SPIN1: variants seen among roughly 807,000 people sequenced by gnomAD.
SPIN1 encodes the protein spindlin 1.
In SPIN1, 3 loss-of-function variants were observed where a neutral mutation model predicts 26.0. The ratio of observed to expected loss-of-function variants is 0.12; its 90% CI spans 0.05 to 0.30. The LOEUF (loss-of-function observed/expected upper bound fraction) is 0.30, where lower values mean the gene tolerates loss of function less well. Among genes scored for constraint, SPIN1 ranks in the 10% least tolerant of loss-of-function variants. The probability of loss-of-function intolerance (pLI) is 1.00; values close to 1 mark genes in which losing one functional copy is unlikely to be tolerated. For missense variants in SPIN1, 126 were observed against 333.4 expected, an observed-to-expected ratio of 0.38 and a Z score of 4.84; for synonymous variants, 101 against 116.5, an observed-to-expected ratio of 0.87 and a Z score of 0.86.
At chr9:88,425,770 C>CT (rs1352822690) in intron 1 of SPIN1, among the ~76,000 whole-genome samples, 1 of 152,016 alleles carries the variant, frequency 6.6e-6, no homozygotes, top group African/African-American at 2.4e-5. Context: ...ATTTCTCGAC[C>CT]TTTTTCTTTA....
At chr9:88,402,737 C>T (rs980524078) in intron 1 of SPIN1, among the ~76,000 whole-genome samples, 1 of 152,106 alleles carries the variant, frequency 6.6e-6, no homozygotes, top group African/African-American at 2.4e-5. Flanking sequence ...GATTCTATAT[C>T]TTTGCTTTTG....
intron 5 of SPIN1, among the ~76,000 whole-genome samples, chr9:88,474,305 G>GT (rs1039366773): frequency 5.3e-5 from 8 of 151,924 alleles, no homozygotes; most frequent in Non-Finnish European, 1.2e-4. Flanking sequence ...CTTTTACTTT[G>GT]TTTTTTTGTT....
At chr9:88,464,779 T>C (rs1214540608) in intron 4 of SPIN1, among the ~76,000 whole-genome samples, 1 of 152,198 alleles carries the variant, frequency 6.6e-6, no homozygotes, top group Non-Finnish European at 1.5e-5. Context: ...GCATAAAATT[T>C]ACTGTCCTAA....
rs1448386472 is a variant in SPIN1, at chr9:88,475,590, C to G, written c.*313C>G. 4.7e-5 allele frequency: 11 copies of G among 233,412 alleles called. No homozygotes were observed. Among genetic ancestry groups the G allele is most frequent in the African/African-American group, 9.0e-5 (4 of 44,232 alleles). The allele number at this position is 233,412 out of a possible 1,614,324, so 14.5% of individuals were successfully genotyped here. A position where few individuals can be genotyped will look rare whatever the true frequency, so the allele number is the denominator to read the frequency against. On this transcript the variant is annotated 3_prime_UTR_variant, in exon 6 of 6. Transcript: ENST00000375859. ...GATCTTAACCATTTTCCCCCTCACC[C>G]TAACTCTCTTATTCTGCCGCCACAA...
chr9:88,401,066 G>A (rs952827894), intron 1 of SPIN1, among the ~76,000 whole-genome samples: 3 of 152,140 alleles, frequency 2.0e-5, no homozygotes, highest in Non-Finnish European at 4.4e-5. Flanking sequence ...TAAATAACTT[G>A]CATTGTTGGT....
At chr9:88,432,994 G>A (rs1007935163) in intron 2 of SPIN1, among the ~76,000 whole-genome samples, 1 of 151,968 alleles carries the variant, frequency 6.6e-6, no homozygotes, top group African/African-American at 2.4e-5. Flanking sequence ...GGGAATACAG[G>A]CACATGTACC....
At chr9:88,443,899 G>C (rs1005127834) in intron 2 of SPIN1, among the ~76,000 whole-genome samples, 18 of 151,318 alleles carry the variant, frequency 1.2e-4, no homozygotes, top group African/African-American at 4.4e-4. Flanking sequence ...TCTTAAGAGA[G>C]CCCCCAACCC....
At chr9:88,475,012 A>G in intron 5 of SPIN1, 66 bp from the exon 6 acceptor site, 1 of 1,373,406 alleles carries the variant, frequency 7.3e-7, no homozygotes, top group East Asian at 2.6e-5. Context: ...GTTGATTTAT[A>G]TCTAAAAATT....
At chr9:88,468,245 T>C (rs1828710306) in intron 4 of SPIN1, 127 bp from the exon 5 acceptor site, 2 of 586,834 alleles carry the variant, frequency 3.4e-6, no homozygotes, top group Non-Finnish European at 5.5e-6. Context: ...TTTCCCAGAT[T>C]CTGATGCTTG....
intron 1 of SPIN1, among the ~76,000 whole-genome samples, chr9:88,422,736 T>C (rs1169432235): frequency 1.3e-5 from 2 of 151,224 alleles, no homozygotes; most frequent in Non-Finnish European, 2.9e-5. Flanking sequence ...TGAAATGAAG[T>C]CTTGCTCTTG....
At chr9:88,463,837 C>T (rs1358848956) in intron 4 of SPIN1, among the ~76,000 whole-genome samples, 1 of 152,156 alleles carries the variant, frequency 6.6e-6, no homozygotes, top group African/African-American at 2.4e-5. Flanking sequence ...TGACTGATCA[C>T]CTGCTCTTCC....
intron 3 of SPIN1, chr9:88,457,842 G>A (rs541393968): frequency 7.1e-6 from 7 of 983,012 alleles, no homozygotes; most frequent in Non-Finnish European, 7.2e-6. Flanking sequence ...AAAATACTAC[G>A]CAAAAAGCAA....
chr9:88,432,953 A>C (rs1290958203), intron 2 of SPIN1, among the ~76,000 whole-genome samples: 1 of 152,118 alleles, frequency 6.6e-6, no homozygotes, highest in Non-Finnish European at 1.5e-5. Flanking sequence ...TGGGCTCAAG[A>C]GATCCTCCCA....
intron 3 of SPIN1, among the ~76,000 whole-genome samples, chr9:88,450,950 G>A (rs555305223): frequency 3.1e-4 from 47 of 152,274 alleles, no homozygotes; most frequent in African/African-American, 1.1e-3. Context: ...TTGAAGTTAG[G>A]AAGCCTGATG....
intron 1 of SPIN1, among the ~76,000 whole-genome samples, chr9:88,405,818 AT>A (rs1182698035): frequency 6.6e-6 from 1 of 151,450 alleles, no homozygotes; most frequent in African/African-American, 2.4e-5. Context: ...GACAATAGGA[AT>A]TTTTTAGCTC....
At chr9:88,467,140 A>G (rs943565429) in intron 4 of SPIN1, among the ~76,000 whole-genome samples, 6 of 152,190 alleles carry the variant, frequency 3.9e-5, no homozygotes, top group Non-Finnish European at 8.8e-5. Context: ...CTTAAAACCA[A>G]TGGGATCCTT....
At chr9:88,431,093 C>G (rs538707802) in intron 2 of SPIN1, among the ~76,000 whole-genome samples, 5 of 152,110 alleles carry the variant, frequency 3.3e-5, no homozygotes, top group Admixed American at 3.3e-4. Context: ...CCATGTTGGT[C>G]AGGCTGATCT....
chr9:88,448,749 T>C (rs1828302050), intron 2 of SPIN1, among the ~76,000 whole-genome samples, 192 bp from the exon 3 acceptor site: 2 of 152,174 alleles, frequency 1.3e-5, no homozygotes, highest in African/African-American at 4.8e-5. Flanking sequence ...CTGCTTTGTC[T>C]TTCAAGAATC....
In SPIN1 at chr9:88,413,307, CTTGGCCTCCTAAAGTG is replaced by C. The variant is rs548001457; in HGVS notation, c.-158-13054_-158-13039del. Among the ~76,000 whole-genome samples the C allele has an allele frequency of 3.8e-3, 583 of 152,002 alleles. 7 individuals carry two copies. Among genetic ancestry groups the C allele is most frequent in the African/African-American group, 0.013 (557 of 41,456 alleles). ...TCCTGACATCAGGTGATCTGCCTGC[CTTGGCCTCCTAAAGTG>C]TTGGCCTCCTAAAGTGTTGGGATTA... On this transcript the variant is annotated intron_variant, in intron 1 of 5. Transcript: ENST00000375859.
Sources: allele counts gnomAD v4.1 joint callset (sites outside exome capture counted in the v4.1 genomes callset), GRCh38; gene constraint gnomAD v4.1.1; transcripts MANE v1.5; gene names NCBI Gene and HGNC (gene_info 2026-07-23, HGNC 2026-07-21).